The following DLG2 variants were observed in gnomAD, a reference collection of about 807,000 sequenced individuals.
The protein encoded by DLG2 is disks large homolog 2.
DLG2 carries 45 observed loss-of-function variants against 132.5 expected under a neutral mutation model. The observed-to-expected ratio is 0.34, with a 90% CI of 0.27 to 0.44. The LOEUF is 0.44. Among genes scored for constraint, DLG2 ranks in the 20% least tolerant of loss-of-function variants. The pLI, the probability that DLG2 is intolerant of heterozygous loss-of-function variation, is 1.00. For missense variants in DLG2, 1,045 were observed against 1,196.9 expected, an observed-to-expected ratio of 0.87 and a Z score of 1.87; for synonymous variants, 424 against 419.6, an observed-to-expected ratio of 1.01 and a Z score of -0.13.
chr11:84,837,015 C>T (rs538127121), intron 6 of DLG2, among the ~76,000 whole-genome samples: 18 of 151,882 alleles, frequency 1.2e-4, no homozygotes, highest in African/African-American at 4.1e-4. Flanking sequence ...CCCGCCTCTC[C>T]CCACCCCACA....
At chr11:84,618,676 T>C (rs1295818060) in intron 6 of DLG2, among the ~76,000 whole-genome samples, 1 of 152,050 alleles carries the variant, frequency 6.6e-6, no homozygotes, top group Non-Finnish European at 1.5e-5. Context: ...AAACCAAGTC[T>C]AATCTTCTCT....
chr11:83,999,698 T>C (rs2094240693), intron 11 of DLG2, among the ~76,000 whole-genome samples: 1 of 152,160 alleles, frequency 6.6e-6, no homozygotes, highest in South Asian at 2.1e-4. Context: ...AACTTCATCG[T>C]ATCCTCCACT....
intron 6 of DLG2, among the ~76,000 whole-genome samples, chr11:84,816,129 A>C (rs2077061222): frequency 6.6e-6 from 1 of 152,044 alleles, no homozygotes; most frequent in Non-Finnish European, 1.5e-5. Context: ...ATTTTAGATT[A>C]CAAATGCAAC....
intron 7 of DLG2, among the ~76,000 whole-genome samples, chr11:84,330,416 T>C (rs1192537436): frequency 2.0e-5 from 3 of 152,210 alleles, no homozygotes; most frequent in African/African-American, 7.2e-5. Context: ...AGTAACCATA[T>C]ATAGTAAACA....
At chr11:84,502,563 T>A (rs897098484) in intron 7 of DLG2, among the ~76,000 whole-genome samples, 5 of 149,582 alleles carry the variant, frequency 3.3e-5, no homozygotes, top group African/African-American at 9.8e-5. Flanking sequence ...ACCTGGCTAA[T>A]TTTTTGTATT....
chr11:85,324,052 C>T (rs556777916), intron 3 of DLG2, among the ~76,000 whole-genome samples: 1 of 152,270 alleles, frequency 6.6e-6, no homozygotes, highest in Middle Eastern at 3.4e-3. Flanking sequence ...CCTCTCACCT[C>T]AGAAACCATG....
At position 84,377,997 on chromosome 11, in the gene DLG2, A is replaced by T. The variant is rs531318347; in HGVS notation, c.520-126706T>A. 4.1e-4 allele frequency among the ~76,000 whole-genome samples: 63 copies of T among 152,310 alleles called. 1 individual carries two copies. The highest frequency in any genetic ancestry group is 3.5e-3 in the South Asian group (17 of 4,828). ...GATTCCTACAGAGAGCTGAAAGCCCAAATCCTCATTCTATCACTGAAAGGG... is the reference window on the plus strand; with the variant it reads ...GATTCCTACAGAGAGCTGAAAGCCCTAATCCTCATTCTATCACTGAAAGGG... On this transcript the variant is annotated intron_variant, in intron 7 of 27. Transcript: ENST00000376104.
intron 19 of DLG2, among the ~76,000 whole-genome samples, chr11:83,617,524 A>T (rs982359273): frequency 4.6e-5 from 7 of 152,180 alleles, no homozygotes; most frequent in Admixed American, 6.5e-5. Flanking sequence ...ATAGCAGTCT[A>T]TCTAGTTATT....
intron 6 of DLG2, among the ~76,000 whole-genome samples, chr11:85,087,554 A>G (rs957300248): frequency 6.6e-6 from 1 of 152,196 alleles, no homozygotes; most frequent in Non-Finnish European, 1.5e-5. Context: ...AAACCAGATC[A>G]TGGGCCGGGC....
intron 18 of DLG2, among the ~76,000 whole-genome samples, chr11:83,659,263 C>G (rs1225025256): frequency 1.3e-5 from 2 of 152,146 alleles, no homozygotes; most frequent in African/African-American, 4.8e-5. Flanking sequence ...GATGAAGAAA[C>G]TGAGACACAC....
At chr11:85,577,806 C>A (rs2078248052) in intron 3 of DLG2, among the ~76,000 whole-genome samples, 1 of 152,046 alleles carries the variant, frequency 6.6e-6, no homozygotes, top group African/African-American at 2.4e-5. Context: ...ATAAAAATGG[C>A]CATACTACCC....
chr11:83,892,948 C>T (rs1371321429), intron 15 of DLG2, among the ~76,000 whole-genome samples: 1 of 152,188 alleles, frequency 6.6e-6, no homozygotes, highest in Non-Finnish European at 1.5e-5. Flanking sequence ...TTTATTTGGT[C>T]ATTCCAGTTC....
chr11:84,501,430 T>C (rs2099204761), intron 7 of DLG2, among the ~76,000 whole-genome samples: 1 of 152,108 alleles, frequency 6.6e-6, no homozygotes, highest in Admixed American at 6.5e-5. Flanking sequence ...CCAGGCATAG[T>C]GGTGCATGCC....
intron 10 of DLG2, among the ~76,000 whole-genome samples, chr11:84,084,605 T>G (rs1227970446): frequency 6.6e-6 from 1 of 152,204 alleles, no homozygotes; most frequent in Non-Finnish European, 1.5e-5. Flanking sequence ...TTGACCAAAC[T>G]TTAGTCAGGC....
intron 20 of DLG2, among the ~76,000 whole-genome samples, chr11:83,535,580 C>T (rs1455989866): frequency 1.3e-5 from 2 of 151,908 alleles, no homozygotes; most frequent in Non-Finnish European, 2.9e-5. Context: ...GCCAGACACA[C>T]ACACAGACAC....
chr11:85,404,365 A>T (rs2088506280), intron 3 of DLG2, among the ~76,000 whole-genome samples: 1 of 152,014 alleles, frequency 6.6e-6, no homozygotes, highest in Admixed American at 6.6e-5. Flanking sequence ...CCATCAAAAG[A>T]GAATTAAAAG....
intron 9 of DLG2, among the ~76,000 whole-genome samples, chr11:84,118,957 C>T (rs1455271307): frequency 6.6e-6 from 1 of 152,144 alleles, no homozygotes; most frequent in African/African-American, 2.4e-5. Flanking sequence ...TGTGAATACA[C>T]TTCAAAAGCA....
intron 7 of DLG2, among the ~76,000 whole-genome samples, chr11:84,530,346 G>A (rs547481366): frequency 1.3e-5 from 2 of 152,210 alleles, no homozygotes; most frequent in South Asian, 2.1e-4. Flanking sequence ...TATCAACAGA[G>A]TAAATAGACA....
chr11:84,831,581 A>G (rs1482334201), intron 6 of DLG2, among the ~76,000 whole-genome samples: 2 of 151,558 alleles, frequency 1.3e-5, no homozygotes, highest in Admixed American at 6.6e-5. Context: ...AAAAAATTAA[A>G]GGAATAAAAA....
Sources: allele counts gnomAD v4.1 joint callset (sites outside exome capture counted in the v4.1 genomes callset), GRCh38; gene constraint gnomAD v4.1.1; transcripts MANE v1.5; gene names NCBI Gene and HGNC (gene_info 2026-07-23, HGNC 2026-07-21).